TOX2: variants seen among roughly 807,000 people sequenced by gnomAD.
TOX2 encodes granulosa cell HMG box 1.
TOX2 carries 15 observed loss-of-function variants against 47.4 expected under a neutral mutation model. That is an observed-to-expected ratio of 0.32 (90% CI 0.21 to 0.49). The LOEUF (loss-of-function observed/expected upper bound fraction) is 0.49. TOX2 is among the 20% of genes least tolerant of loss of function. The probability of loss-of-function intolerance (pLI) is 0.99; values close to 1 mark genes in which losing one functional copy is unlikely to be tolerated. For synonymous variants in TOX2, 290 were observed against 296.6 expected (o/e 0.98, Z 0.23); for missense variants, 622 against 673.1 (o/e 0.92, Z 0.84).
At position 43,915,003 on chromosome 20, in the gene TOX2, G is replaced by T; in HGVS notation, c.99+13G>T. The T allele has an allele frequency of 8.1e-7, 1 of 1,237,134 alleles. No individual in the cohort carries two copies. Among genetic ancestry groups the T allele is most frequent in the Admixed American group, 4.4e-5 (1 of 22,766 alleles). The allele number at this position is 1,237,134 out of a possible 1,614,324, so 76.6% of individuals were successfully genotyped here. On this transcript the variant is annotated intron_variant, in intron 1 of 8. Coordinates refer to ENST00000341197, the MANE Select transcript of TOX2 (RefSeq NM_001098797.2). This position sits in a 1 kb window ranked among gnomAD's most constrained non-coding sequence, Gnocchi z 7.1. ...CCACGGCGGCAAGGTAGGCGGGGGC[G>T]GGCGGGGGTCCCCGGCGGGCGGGGC...
chr20:43,946,233 G>A (rs574562399), intron 1 of TOX2, among the ~76,000 whole-genome samples: 3 of 152,320 alleles, frequency 2.0e-5, no homozygotes, highest in East Asian at 1.9e-4. Context: ...TTCTGGAGGC[G>A]GTTTGGGCTG....
rs376604170 is a variant in TOX2, at chr20:43,982,271, G to A, written c.165+8839G>A. 4.9e-4 allele frequency among the ~76,000 whole-genome samples: 74 copies of A among 152,286 alleles called. 1 individual carries two copies. In the South Asian group the frequency reaches 0.012, roughly 24 times the overall value. On this transcript the variant is annotated intron_variant, in intron 2 of 8. Coordinates refer to ENST00000341197, the MANE Select transcript of TOX2 (RefSeq NM_001098797.2). ...CGGGTGAGAGGTGGTGGGGAGGTCT[G>A]GGGTATTTGCTGTGGGGCATGGGAG...
intron 3 of TOX2, among the ~76,000 whole-genome samples, chr20:44,036,098 G>A (rs1197259568): frequency 6.6e-6 from 1 of 152,220 alleles, no homozygotes; most frequent in African/African-American, 2.4e-5. Context: ...TCCTGGAGAG[G>A]GTTGCAGCTG....
At chr20:43,976,998 G>A (rs1008653265) in intron 2 of TOX2, among the ~76,000 whole-genome samples, 2 of 152,188 alleles carry the variant, frequency 1.3e-5, no homozygotes, top group African/African-American at 4.8e-5. Flanking sequence ...TTAAATACAA[G>A]GTTCACCCAA....
chr20:44,067,026 C>T (rs1051461444), intron 8 of TOX2, among the ~76,000 whole-genome samples, 169 bp downstream of exon 8: 1 of 152,176 alleles, frequency 6.6e-6, no homozygotes, highest in Non-Finnish European at 1.5e-5. Context: ...AGAGCCAGGC[C>T]CCGGAAGGAC....
At chr20:43,987,408 G>T (rs1320793679) in intron 2 of TOX2, among the ~76,000 whole-genome samples, 1 of 152,192 alleles carries the variant, frequency 6.6e-6, no homozygotes, top group Non-Finnish European at 1.5e-5. Flanking sequence ...CTTCAGAGGT[G>T]CTGGGAAGGT....
chr20:44,042,010 G>T (rs1236860778), intron 3 of TOX2, among the ~76,000 whole-genome samples: 1 of 152,232 alleles, frequency 6.6e-6, no homozygotes, highest in South Asian at 2.1e-4. Context: ...TAAAACATGT[G>T]TATTAGTCTG....
At chr20:44,051,262 G>GGA in intron 3 of TOX2, 44 bp from the exon 4 acceptor site, 1 of 1,558,100 alleles carries the variant, frequency 6.4e-7, no homozygotes, top group Non-Finnish European at 8.7e-7. Flanking sequence ...TGGAGTGGCA[G>GGA]GACAGATCCT....
chr20:44,029,464 C>T (rs2071116022), intron 3 of TOX2, among the ~76,000 whole-genome samples: 2 of 152,218 alleles, frequency 1.3e-5, no homozygotes, highest in African/African-American at 2.4e-5. Context: ...GCTCTGTGTG[C>T]GCTGCAGACA....
At chr20:43,927,619 T>TTC (rs2069187469) in intron 1 of TOX2, among the ~76,000 whole-genome samples, 1 of 75,192 alleles carries the variant, frequency 1.3e-5, no homozygotes, top group African/African-American at 1.4e-4. Flanking sequence ...CTTCCTTCCT[T>TTC]CCTTCCTCCT....
At chr20:43,962,513 C>T (rs2069780376) in intron 1 of TOX2, among the ~76,000 whole-genome samples, 1 of 152,256 alleles carries the variant, frequency 6.6e-6, no homozygotes, top group Admixed American at 6.5e-5. Context: ...AAACTGGCTT[C>T]AGGGCAGAGC....
At chr20:44,006,919 TTGCTTGGAGTTGGTAATCCCA>T in intron 3 of TOX2, 127 bp downstream of exon 3, 2 of 1,365,170 alleles carry the variant, frequency 1.5e-6, no homozygotes, top group East Asian at 5.0e-5. Context: ...GTTTACCTGG[TTGCTTGGAGTTGGTAATCCCA>T]TGCTGGGATT....
chr20:44,043,466 T>C (rs1299270619), intron 3 of TOX2, among the ~76,000 whole-genome samples: 2 of 152,216 alleles, frequency 1.3e-5, no homozygotes. Context: ...CACCTGACAG[T>C]GATGTTTTAT....
chr20:44,066,280 T>TGAGA, intron 7 of TOX2, among the ~76,000 whole-genome samples, 173 bp downstream of exon 7: 1 of 152,294 alleles, frequency 6.6e-6, no homozygotes, highest in South Asian at 2.1e-4. Context: ...ACACCTTACC[T>TGAGA]GAGATGTGCT....
At chr20:44,004,131 G>T (rs751247571) in intron 2 of TOX2, among the ~76,000 whole-genome samples, 14 of 152,202 alleles carry the variant, frequency 9.2e-5, no homozygotes, top group Non-Finnish European at 2.1e-4. Context: ...CAGGTTCGTG[G>T]TTCTATGAAC....
intron 2 of TOX2, among the ~76,000 whole-genome samples, chr20:43,999,218 T>A (rs2070534332): frequency 6.6e-6 from 1 of 152,230 alleles, no homozygotes; most frequent in South Asian, 2.1e-4. Flanking sequence ...TGCTGCCATT[T>A]TATGAATATT....
intron 1 of TOX2, among the ~76,000 whole-genome samples, chr20:43,943,150 G>C (rs1482610076): frequency 6.6e-6 from 1 of 152,160 alleles, no homozygotes; most frequent in Non-Finnish European, 1.5e-5. Flanking sequence ...TGTGGAGCTG[G>C]TGCTCTCGGG....
intron 8 of TOX2, 98 bp downstream of exon 8, chr20:44,066,955 G>C: frequency 6.6e-7 from 1 of 1,508,358 alleles, no homozygotes; most frequent in Non-Finnish European, 8.9e-7. Flanking sequence ...ACGTGGACAG[G>C]GGAGGACCCT....
At chr20:43,965,513 C>T (rs576668766) in intron 1 of TOX2, among the ~76,000 whole-genome samples, 1 of 152,302 alleles carries the variant, frequency 6.6e-6, no homozygotes, top group South Asian at 2.1e-4. Context: ...AGAGATCGTT[C>T]AATGAACAGT....
Sources: gnomAD v4.1 joint callset for allele counts (sites outside exome capture counted in the v4.1 genomes callset) on GRCh38, gnomAD v4.1.1 for gene constraint, Gnocchi (gnomAD v3.1) non-coding constraint, MANE v1.5 for transcripts, NCBI Gene and HGNC (gene_info 2026-07-23, HGNC 2026-07-21) for gene names.